The following CAAP1 variants were observed in gnomAD, a reference collection of about 807,000 sequenced individuals.
CAAP1 encodes the protein conserved anti-apoptotic protein.
Under a neutral mutation model 34.0 loss-of-function variants are expected in CAAP1, and 20 were observed. That is an observed-to-expected ratio of 0.59 (90% confidence interval 0.41 to 0.86). CAAP1 has a LOEUF of 0.86. Ranked by LOEUF, CAAP1 falls within the 40% of genes least tolerant of loss-of-function variation. The probability of loss-of-function intolerance (pLI) is 0.00; values close to 1 mark genes in which losing one functional copy is unlikely to be tolerated. For synonymous variants in CAAP1, 213 were observed against 166.7 expected, an observed-to-expected ratio of 1.28 and a Z score of -2.14; for missense variants, 538 against 450.5, an observed-to-expected ratio of 1.19 and a Z score of -1.76.
rs375449766 is a variant in CAAP1 at position 26,861,054 on chromosome 9, C to T, written c.739+12G>A. The T allele has an allele frequency of 2.3e-5, 37 of 1,579,372 alleles. No homozygotes were observed. The African/African-American group carries it at 4.6e-4, about 20-fold the overall frequency. ...GTAAATTTTATACAATAATCAAGTA[C>T]TTGGTTCATACCTTGTTTTAATTCC... On this transcript the variant is annotated intron_variant, in intron 5 of 5. Transcript: ENST00000333916.
chr9:26,886,653 C>T (rs540964898), intron 2 of CAAP1, among the ~76,000 whole-genome samples: 1 of 152,156 alleles, frequency 6.6e-6, no homozygotes, highest in East Asian at 1.9e-4. Flanking sequence ...GAAATATAAG[C>T]TATTATTAAC....
chr9:26,848,440 C>T (rs867246034), intron 5 of CAAP1, among the ~76,000 whole-genome samples: 32 of 152,182 alleles, frequency 2.1e-4, no homozygotes, highest in Middle Eastern at 3.4e-3. Context: ...GGCGTGAACC[C>T]GGGAGGCGGA....
intron 5 of CAAP1, among the ~76,000 whole-genome samples, chr9:26,847,174 T>C (rs1822631320): frequency 6.7e-6 from 1 of 149,432 alleles, no homozygotes. Flanking sequence ...AAATCCTCGT[T>C]TTTACTAGTA....
At chr9:26,873,396 A>G (rs1823327448) in intron 4 of CAAP1, among the ~76,000 whole-genome samples, 1 of 152,218 alleles carries the variant, frequency 6.6e-6, no homozygotes, top group African/African-American at 2.4e-5. Flanking sequence ...CCTCAAAATC[A>G]CTCAATAAAA....
At chr9:26,881,084 G>T (rs1198162593) in intron 4 of CAAP1, among the ~76,000 whole-genome samples, 1 of 152,108 alleles carries the variant, frequency 6.6e-6, no homozygotes, top group African/African-American at 2.4e-5. Flanking sequence ...TGAGGTGGGA[G>T]GACAGTTTGA....
At chr9:26,861,382 A>G (rs117723134) in intron 4 of CAAP1, among the ~76,000 whole-genome samples, 59 of 152,288 alleles carry the variant, frequency 3.9e-4, no homozygotes, top group Non-Finnish European at 7.1e-4. Flanking sequence ...GCAAACCTGA[A>G]AGGAACATGG....
intron 4 of CAAP1, among the ~76,000 whole-genome samples, chr9:26,870,145 A>C (rs913835482): frequency 1.3e-5 from 2 of 151,134 alleles, no homozygotes; most frequent in African/African-American, 2.4e-5. Flanking sequence ...CAAGCATAAC[A>C]CCTGATTGAA....
chr9:26,880,975 C>A (rs557448719), intron 4 of CAAP1, among the ~76,000 whole-genome samples: 1 of 152,220 alleles, frequency 6.6e-6, no homozygotes, highest in African/African-American at 2.4e-5. Context: ...TGTGCCAAGC[C>A]CTCTCTTTCT....
intron 5 of CAAP1, among the ~76,000 whole-genome samples, chr9:26,851,342 T>C (rs10967565): frequency 0.13 from 19,401 of 151,994 alleles, 2,297 homozygotes; most frequent in East Asian, 0.69. Context: ...AAACTGCAAG[T>C]GTGAGGGACA....
intron 2 of CAAP1, among the ~76,000 whole-genome samples, chr9:26,886,666 T>C (rs755354749): frequency 7.2e-5 from 11 of 152,246 alleles, no homozygotes; most frequent in Non-Finnish European, 1.0e-4. Context: ...TTATTAACCA[T>C]TGCTGTTTGT....
At chr9:26,870,619 TA>T (rs1398297000) in intron 4 of CAAP1, among the ~76,000 whole-genome samples, 8 of 149,582 alleles carry the variant, frequency 5.3e-5, no homozygotes, top group Non-Finnish European at 8.9e-5. Context: ...TGTATACATA[TA>T]TTTTTTTTTC....
intron 1 of CAAP1, among the ~76,000 whole-genome samples, chr9:26,891,659 GA>G (rs1177049972): frequency 6.6e-6 from 1 of 152,036 alleles, no homozygotes; most frequent in East Asian, 1.9e-4. Flanking sequence ...CGTATATAAA[GA>G]AGCCTATCAC....
At chr9:26,875,967 T>A (rs1354871982) in intron 4 of CAAP1, among the ~76,000 whole-genome samples, 1 of 152,220 alleles carries the variant, frequency 6.6e-6, no homozygotes, top group African/African-American at 2.4e-5. Flanking sequence ...ATTTTATTAG[T>A]TTTCTATTGC....
rs180982122 is a variant in CAAP1, at chr9:26,885,041, T to C, written c.590-156A>G. 100 of 574,502 alleles carry C rather than the reference T, an allele frequency of 1.7e-4. 1 individual carries two copies. The highest frequency in any genetic ancestry group is 1.7e-3 in the African/African-American group (89 of 52,322). 35.6% of individuals were successfully genotyped at this position (574,502 alleles called of 1,614,324 possible). A position where few individuals can be genotyped will look rare whatever the true frequency, so the allele number is the denominator to read the frequency against. ...TTTTAATTGCTTGTATTTAAAATAA[T>C]TTTTTCAATGCCTTATTAGGTATTT... is the stretch of plus-strand genomic sequence containing the variant. On this transcript the variant is annotated intron_variant, in intron 3 of 5. Coordinates refer to ENST00000333916, the MANE Select transcript of CAAP1 (RefSeq NM_024828.4).
intron 5 of CAAP1, among the ~76,000 whole-genome samples, chr9:26,846,924 T>C (rs1822624918): frequency 6.6e-6 from 1 of 151,994 alleles, no homozygotes; most frequent in Non-Finnish European, 1.5e-5. Context: ...CAACCTCAGG[T>C]GATCTGCCTG....
At chr9:26,849,127 C>T (rs968436724) in intron 5 of CAAP1, among the ~76,000 whole-genome samples, 21 of 152,142 alleles carry the variant, frequency 1.4e-4, no homozygotes, top group African/African-American at 4.8e-4. Context: ...ACAGGCTAGA[C>T]GACAGTGTAA....
intron 5 of CAAP1, among the ~76,000 whole-genome samples, chr9:26,844,454 C>G (rs1385109754): frequency 6.6e-6 from 1 of 152,166 alleles, no homozygotes; most frequent in Non-Finnish European, 1.5e-5. Context: ...TGTATAGTCA[C>G]TGATTCTGAA....
intron 1 of CAAP1, among the ~76,000 whole-genome samples, chr9:26,888,985 G>C (rs1823830389): frequency 6.6e-6 from 1 of 152,188 alleles, no homozygotes; most frequent in Non-Finnish European, 1.5e-5. Context: ...GTGATACAAA[G>C]GAATGAACCC....
Position 26,892,432 on chromosome 9 carries a change from A to G in CAAP1, c.284T>C (p.Val95Ala), listed in dbSNP as rs768547864. 3.1e-6 allele frequency: 5 copies of G among 1,602,918 alleles called. No individual in the cohort carries two copies. In the African/African-American group the frequency reaches 4.0e-5, roughly 13 times the overall value. Residue 95 changes from valine (V) to alanine (A), a missense_variant, in exon 1 of 6, where the codon GTC (valine) becomes GCC (alanine). This residue lies in a region of CAAP1 where 514 missense variants were observed against 408.4 expected (regional missense o/e 1.26). Coordinates refer to ENST00000333916, the MANE Select transcript of CAAP1 (RefSeq NM_024828.4). Reference sequence around the variant, plus strand: ...ACGCACCTGCTGCAAGGAGCCCGAGACGCTGGAAGAGTCGGTACTCCTCCG... The same window carrying G: ...ACGCACCTGCTGCAAGGAGCCCGAGGCGCTGGAAGAGTCGGTACTCCTCCG... ...RKRRSTDSSS[V>A]SGSLQQETKY... is the part of the protein sequence containing the mutation.
Sources: allele counts gnomAD v4.1 joint callset (sites outside exome capture counted in the v4.1 genomes callset), GRCh38; gene constraint gnomAD v4.1.1; regional missense constraint gnomAD v4.1.1; transcripts MANE v1.5; gene names NCBI Gene and HGNC (gene_info 2026-07-23, HGNC 2026-07-21).